Variants in CORIN observed in about 807,000 individuals in gnomAD.
CORIN encodes corin, serine peptidase.
A neutral mutation model predicts 125.3 loss-of-function variants in CORIN; 117 were observed. The observed-to-expected ratio is 0.93, with a 90% CI of 0.80 to 1.09. CORIN has a LOEUF of 1.09. Ranked by LOEUF, CORIN falls within the 50% of genes least tolerant of loss-of-function variation. The pLI, the probability that CORIN is intolerant of heterozygous loss-of-function variation, is 0.00. For missense variants in CORIN, 1,253 were observed against 1,306.7 expected, an observed-to-expected ratio of 0.96 and a Z score of 0.63; for synonymous variants, 450 against 466.4, an observed-to-expected ratio of 0.96 and a Z score of 0.45.
At chr4:47,706,976 C>T (rs1248284922) in intron 5 of CORIN, 3 of 1,581,292 alleles carry the variant, frequency 1.9e-6, no homozygotes, top group East Asian at 2.2e-5. Flanking sequence ...CCAGCTCCAC[C>T]GTTACCGCTA....
intron 1 of CORIN, among the ~76,000 whole-genome samples, chr4:47,828,772 C>G (rs1239981079): frequency 6.6e-6 from 1 of 152,030 alleles, no homozygotes; most frequent in East Asian, 1.9e-4. Context: ...ATACCGCAGA[C>G]ATTTGCTACA....
chr4:47,621,824 T>C (rs1722320507), intron 19 of CORIN, among the ~76,000 whole-genome samples: 1 of 152,068 alleles, frequency 6.6e-6, no homozygotes, highest in South Asian at 2.1e-4. Flanking sequence ...ATGATGTGGA[T>C]GGGCCTTACC....
At chr4:47,748,046 G>A (rs1302143235) in intron 4 of CORIN, among the ~76,000 whole-genome samples, 1 of 152,126 alleles carries the variant, frequency 6.6e-6, no homozygotes, top group African/African-American at 2.4e-5. Flanking sequence ...AATGTCTACT[G>A]TGTTTCCAAA....
At chr4:47,642,815 A>T (rs771591804) in intron 15 of CORIN, 237 of 1,446,980 alleles carry the variant, frequency 1.6e-4, no homozygotes, top group Admixed American at 2.2e-4. Flanking sequence ...TAGAGGTGAC[A>T]AAAGAATGGC....
At chr4:47,599,780 G>C (rs1181229851) in intron 21 of CORIN, among the ~76,000 whole-genome samples, 1 of 152,166 alleles carries the variant, frequency 6.6e-6, no homozygotes, top group Non-Finnish European at 1.5e-5. Flanking sequence ...GGAAGTTGGG[G>C]TGTTGATGTG....
At chr4:47,623,069 C>CCTCTCTCTCTCTCTCTCT (rs372736248) in intron 19 of CORIN, among the ~76,000 whole-genome samples, 163 of 93,494 alleles carry the variant, frequency 1.7e-3, no homozygotes, top group Middle Eastern at 5.5e-3. Context: ...CATAACATAA[C>CCTCTCTCTCTCTCTCTCT]CTCTCTCTCT....
intron 1 of CORIN, among the ~76,000 whole-genome samples, chr4:47,833,218 T>C (rs1002671496): frequency 1.3e-5 from 2 of 151,680 alleles, no homozygotes; most frequent in African/African-American, 4.8e-5. Context: ...AAAACAGCCA[T>C]ATGGCCAAAC....
At chr4:47,773,433 T>C (rs1255745597) in intron 3 of CORIN, among the ~76,000 whole-genome samples, 2 of 152,326 alleles carry the variant, frequency 1.3e-5, no homozygotes, top group Non-Finnish European at 2.9e-5. Context: ...TAATGAATTC[T>C]AGGACTAACA....
At chr4:47,600,406 T>C in intron 20 of CORIN, 59 bp from the exon 21 acceptor site, 2 of 1,219,312 alleles carry the variant, frequency 1.6e-6, no homozygotes, top group Non-Finnish European at 2.3e-6. Context: ...AAAGTGAGGC[T>C]AGTGAGGCTA....
chr4:47,616,861 T>C (rs1052311583), intron 19 of CORIN, among the ~76,000 whole-genome samples: 2 of 151,878 alleles, frequency 1.3e-5, no homozygotes, highest in African/African-American at 4.8e-5. Context: ...CTGAAGGGAG[T>C]GATCCAACAA....
chr4:47,787,521 A>G (rs1730874300), intron 2 of CORIN, among the ~76,000 whole-genome samples: 1 of 152,140 alleles, frequency 6.6e-6, no homozygotes, highest in South Asian at 2.1e-4. Flanking sequence ...ACCAAAAAAA[A>G]AAAAACCTCT....
chr4:47,754,806 G>C (rs1032640858), intron 4 of CORIN, among the ~76,000 whole-genome samples: 1 of 152,178 alleles, frequency 6.6e-6, no homozygotes, highest in Non-Finnish European at 1.5e-5. Flanking sequence ...AAGTCCTGCA[G>C]TTAACTCAGC....
intron 16 of CORIN, among the ~76,000 whole-genome samples, chr4:47,637,686 C>T (rs893772294): frequency 1.3e-5 from 2 of 152,186 alleles, no homozygotes; most frequent in African/African-American, 2.4e-5. Context: ...GGAACCTCTG[C>T]CTAGATTTCA....
At chr4:47,721,029 G>A (rs1234337421) in intron 5 of CORIN, among the ~76,000 whole-genome samples, 1 of 152,130 alleles carries the variant, frequency 6.6e-6, no homozygotes, top group African/African-American at 2.4e-5. Context: ...CACAGATGGG[G>A]TGGCTTAAAC....
intron 19 of CORIN, among the ~76,000 whole-genome samples, chr4:47,611,712 A>G (rs1577735541): frequency 6.6e-6 from 1 of 152,308 alleles, no homozygotes; most frequent in South Asian, 2.1e-4. Flanking sequence ...CCTATGCTGC[A>G]TGATATTGGC....
At chr4:47,828,593 C>T (rs1732837418) in intron 1 of CORIN, among the ~76,000 whole-genome samples, 1 of 152,138 alleles carries the variant, frequency 6.6e-6, no homozygotes, top group Non-Finnish European at 1.5e-5. Context: ...CCAGATAATC[C>T]AAGATAATCT....
chr4:47,779,558 C>T (rs141147321), intron 3 of CORIN, among the ~76,000 whole-genome samples: 4,494 of 151,936 alleles, frequency 0.03, 85 homozygotes, highest in Non-Finnish European at 0.046. Context: ...GCCTCAGCCT[C>T]CCGAGTAGCT....
intron 4 of CORIN, among the ~76,000 whole-genome samples, chr4:47,746,835 A>G (rs1423129110): frequency 6.6e-6 from 1 of 152,206 alleles, no homozygotes; most frequent in Admixed American, 6.5e-5. Context: ...CACCCAGCCA[A>G]GAGTGCAAAT....
chr4:47,802,852 A>T (rs560787257), intron 2 of CORIN, among the ~76,000 whole-genome samples: 4 of 152,174 alleles, frequency 2.6e-5, no homozygotes, highest in African/African-American at 7.2e-5. Flanking sequence ...GCACAGTCCC[A>T]GTGGTAGTGG....
Sources: allele counts gnomAD v4.1 joint callset (sites outside exome capture counted in the v4.1 genomes callset), GRCh38; gene constraint gnomAD v4.1.1; transcripts MANE v1.5; gene names NCBI Gene and HGNC (gene_info 2026-07-23, HGNC 2026-07-21).